Variants in TRMT10B observed in about 807,000 individuals in gnomAD.
The protein encoded by TRMT10B is tRNA methyltransferase 10B.
TRMT10B carries 33 observed loss-of-function variants against 43.8 expected under a neutral mutation model. The ratio of observed to expected loss-of-function variants is 0.75; its 90% CI spans 0.57 to 1.01. The LOEUF is 1.01. TRMT10B is among the 50% of genes least tolerant of loss of function. The pLI is 0.00. For synonymous variants in TRMT10B, 137 were observed against 130.6 expected (o/e 1.05, Z -0.34); for missense variants, 362 against 369.8 (o/e 0.98, Z 0.17).
At chr9:37,752,931 G>T (rs531950175), upstream of TRMT10B, among the ~76,000 whole-genome samples, 1 of 152,318 alleles carries the variant, frequency 6.6e-6, no homozygotes, top group East Asian at 1.9e-4. Flanking sequence ...TTTCTGGACT[G>T]TGGGTGCTTT....
rs181614189 is a variant in TRMT10B, at chr9:37,757,025, G to A, written c.-30+3173G>A. 1.8e-3 allele frequency among the ~76,000 whole-genome samples: 270 copies of A among 148,830 alleles called. 2 individuals carry two copies. The highest frequency in any genetic ancestry group is 6.6e-3 in the African/African-American group (265 of 40,352). On this transcript the variant is annotated intron_variant, in intron 1 of 8. Transcript: ENST00000297994. ...TCTTAACTTTTTTTTTTTTTAATTT[G>A]TGATCAACTTCACTGTTCATTCATG...
chr9:37,770,551 G>A, intron 6 of TRMT10B, 121 bp from the exon 7 acceptor site: 2 of 931,332 alleles, frequency 2.1e-6, no homozygotes, highest in Non-Finnish European at 3.2e-6. Flanking sequence ...TATTGAGCAA[G>A]TTTCTTTTTG....
At chr9:37,769,308 T>TTAAAA (rs1827297042) in intron 5 of TRMT10B, among the ~76,000 whole-genome samples, 8 of 60,720 alleles carry the variant, frequency 1.3e-4, no homozygotes, top group Admixed American at 2.3e-4. Context: ...ACCCTGTCTT[T>TTAAAA]AAAAAAAAAA....
intron 5 of TRMT10B, 112 bp from the exon 6 acceptor site, chr9:37,769,829 T>C (rs2118867238): frequency 1.2e-6 from 1 of 835,972 alleles, no homozygotes; most frequent in South Asian, 1.4e-5. Flanking sequence ...TCTCGAACTT[T>C]GGAGCTCAAG....
chr9:37,752,975 C>T (rs1004256749), upstream of TRMT10B, among the ~76,000 whole-genome samples: 38 of 152,118 alleles, frequency 2.5e-4, no homozygotes, highest in South Asian at 6.2e-4. Context: ...CTTGCTAACC[C>T]TTTGGGTCCC....
chr9:37,756,141 G>A (rs555021650), intron 1 of TRMT10B, among the ~76,000 whole-genome samples: 1 of 152,286 alleles, frequency 6.6e-6, no homozygotes, highest in South Asian at 2.1e-4. Context: ...CTAATGAATG[G>A]TCAACACAGG....
chr9:37,762,475 C>CTA, intron 2 of TRMT10B, 102 bp from the exon 3 acceptor site: 1 of 1,451,250 alleles, frequency 6.9e-7, no homozygotes, highest in Non-Finnish European at 9.2e-7. Flanking sequence ...TCTCTCCAAA[C>CTA]TATATATATA....
In TRMT10B at chr9:37,777,795, CAGG is replaced by C. The variant is rs200818309; in HGVS notation, c.*91_*93del. The C allele has an allele frequency of 7.3e-3, 7,701 of 1,047,856 alleles. 387 individuals are homozygous for C. The African/African-American group carries it at 0.11, about 14-fold the overall frequency. 64.9% of individuals were successfully genotyped at this position (1,047,856 alleles called of 1,614,324 possible). On this transcript the variant is annotated 3_prime_UTR_variant, in exon 9 of 9. Coordinates refer to ENST00000297994, the MANE Select transcript of TRMT10B (RefSeq NM_144964.4). The stretch of plus-strand genomic sequence containing the variant: ...CCGAAGTGGGCAGATCACCTGAGGT[CAGG>C]AGTTCACGACCAGCCTGGCCAACAT...
At chr9:37,771,210 T>C (rs1433516005) in intron 7 of TRMT10B, among the ~76,000 whole-genome samples, 5 of 151,804 alleles carry the variant, frequency 3.3e-5, no homozygotes, top group African/African-American at 1.2e-4. Context: ...GAAATGTTTG[T>C]TATATAGCTG....
At chr9:37,756,796 G>A (rs1825752787) in intron 1 of TRMT10B, among the ~76,000 whole-genome samples, 1 of 131,834 alleles carries the variant, frequency 7.6e-6, no homozygotes, top group African/African-American at 2.9e-5. Flanking sequence ...ACATACATGT[G>A]TATGTGTATA....
At chr9:37,772,769 G>C (rs1452189635) in intron 7 of TRMT10B, among the ~76,000 whole-genome samples, 1 of 152,130 alleles carries the variant, frequency 6.6e-6, no homozygotes, top group Non-Finnish European at 1.5e-5. Context: ...AGGATCACTT[G>C]AGGCCAGGAG....
At chr9:37,755,902 A>G (rs1588998720) in intron 1 of TRMT10B, among the ~76,000 whole-genome samples, 1 of 152,334 alleles carries the variant, frequency 6.6e-6, no homozygotes, top group Non-Finnish European at 1.5e-5. Context: ...ATGTAGGTAT[A>G]AGCCCTCCTA....
At chr9:37,767,390 G>C (rs1170362379) in intron 4 of TRMT10B, 1 of 151,616 alleles carries the variant, frequency 6.6e-6, no homozygotes, top group East Asian at 1.9e-4. Context: ...GCCTGTACCT[G>C]TAGTCCCAGC....
chr9:37,756,205 A>T (rs1321147419), intron 1 of TRMT10B, among the ~76,000 whole-genome samples: 2 of 152,230 alleles, frequency 1.3e-5, no homozygotes, highest in Non-Finnish European at 2.9e-5. Context: ...CATGGCTATT[A>T]ACTAGCATTT....
intron 7 of TRMT10B, among the ~76,000 whole-genome samples, chr9:37,775,443 T>C (rs1033053971): frequency 2.0e-5 from 3 of 152,224 alleles, no homozygotes; most frequent in African/African-American, 7.2e-5. Context: ...AGGAACATCT[T>C]ATAAAGGGAC....
upstream of TRMT10B, among the ~76,000 whole-genome samples, chr9:37,753,051 G>A (rs149868924): frequency 5.4e-4 from 81 of 150,040 alleles, no homozygotes; most frequent in East Asian, 0.015. Flanking sequence ...CTTGAGGCCC[G>A]TGTGACCACG....
chr9:37,757,470 A>T (rs529193810), intron 1 of TRMT10B, among the ~76,000 whole-genome samples: 18 of 152,346 alleles, frequency 1.2e-4, no homozygotes, highest in Non-Finnish European at 1.9e-4. Context: ...AAATACATTT[A>T]AAAATGTGTA....
chr9:37,770,783 G>A, intron 7 of TRMT10B, 44 bp downstream of exon 7: 1 of 1,599,044 alleles, frequency 6.3e-7, no homozygotes, highest in Non-Finnish European at 8.6e-7. Context: ...AAAAAGCAGT[G>A]CTTACTTTTA....
At chr9:37,753,553 C>CACCT (rs1488819263), upstream of TRMT10B, among the ~76,000 whole-genome samples, 10 of 152,186 alleles carry the variant, frequency 6.6e-5, no homozygotes, top group Non-Finnish European at 1.3e-4. Flanking sequence ...ACCAACAGAG[C>CACCT]ACCTGTAGGA....
Sources: allele counts gnomAD v4.1 joint callset (sites outside exome capture counted in the v4.1 genomes callset), GRCh38; gene constraint gnomAD v4.1.1; transcripts MANE v1.5; gene names NCBI Gene and HGNC (gene_info 2026-07-23, HGNC 2026-07-21).